Variants in TOR1AIP1 observed in about 807,000 individuals in gnomAD.
TOR1AIP1 encodes the protein torsin 1A interacting protein 1.
A neutral mutation model predicts 63.3 loss-of-function variants in TOR1AIP1; 54 were observed. The ratio of observed to expected loss-of-function variants is 0.85; its 90% CI spans 0.69 to 1.07. TOR1AIP1 has a LOEUF of 1.07. Among genes scored for constraint, TOR1AIP1 ranks in the 50% least tolerant of loss-of-function variants. The probability of loss-of-function intolerance (pLI) is 0.00; values close to 1 mark genes in which losing one functional copy is unlikely to be tolerated. For missense variants in TOR1AIP1, 736 were observed against 715.0 expected, an observed-to-expected ratio of 1.03 and a Z score of -0.33; for synonymous variants, 294 against 273.5, an observed-to-expected ratio of 1.07 and a Z score of -0.74.
rs1289787621 is a variant in TOR1AIP1, at chr1:179,901,408, A to G, written c.739+20A>G. On this transcript the variant is annotated intron_variant, in intron 5 of 9. Transcript: ENST00000606911. ...CTGGAGGTAATATTGCTTTATATACATATGACTCTTCTCATAGAACTATCT... is the reference window on the plus strand; with the variant it reads ...CTGGAGGTAATATTGCTTTATATACGTATGACTCTTCTCATAGAACTATCT... 2 of 1,467,750 alleles carry G rather than the reference A, an allele frequency of 1.4e-6. No homozygotes were observed. The highest frequency in any genetic ancestry group is 2.0e-5 in the Admixed American group (1 of 50,656). The allele number at this position is 1,467,750 out of a possible 1,614,324, so 90.9% of individuals were successfully genotyped here.
At chr1:179,894,634 C>T (rs1181649518) in intron 3 of TOR1AIP1, among the ~76,000 whole-genome samples, 11 of 151,864 alleles carry the variant, frequency 7.2e-5, no homozygotes, top group Admixed American at 2.6e-4. Context: ...TGTAGTGAGC[C>T]GAGATCGTGC....
chr1:179,908,700 A>G (rs529019614), intron 8 of TOR1AIP1, 27 bp downstream of exon 8: 1 of 1,581,484 alleles, frequency 6.3e-7, no homozygotes, highest in East Asian at 2.2e-5. Context: ...CTGTTATTGA[A>G]ATAATCTTGT....
At chr1:179,890,791 T>C (rs1470793784) in intron 3 of TOR1AIP1, among the ~76,000 whole-genome samples, 1 of 152,142 alleles carries the variant, frequency 6.6e-6, no homozygotes, top group East Asian at 1.9e-4. Context: ...GGCTGATTCC[T>C]GTGTTTTTTA....
At chr1:179,899,702 T>TGGCGCGA (rs1051316921) in intron 3 of TOR1AIP1, among the ~76,000 whole-genome samples, 9 of 152,320 alleles carry the variant, frequency 5.9e-5, no homozygotes, top group African/African-American at 2.2e-4. Flanking sequence ...TGGTATACAG[T>TGGCGCGA]GGCGCGATCT....
chr1:179,910,461 C>G lies in TOR1AIP1; in HGVS notation c.907+1788C>G, dbSNP rs181594857. Among the ~76,000 whole-genome samples, 89 of 152,290 alleles carry G rather than the reference C, an allele frequency of 5.8e-4. No homozygotes were observed. In the South Asian group the frequency reaches 9.5e-3, roughly 16 times the overall value. ...TCTCAGCAGTGACGTTTTTAGCCCACATGTAAGTGAGTTCTTAAGCAGTCT... is the reference window on the plus strand; with the variant it reads ...TCTCAGCAGTGACGTTTTTAGCCCAGATGTAAGTGAGTTCTTAAGCAGTCT... On this transcript the variant is annotated intron_variant, in intron 8 of 9. Transcript: ENST00000606911.
chr1:179,907,770 T>C (rs1413934415), intron 6 of TOR1AIP1, 53 bp from the exon 7 acceptor site: 1 of 1,439,168 alleles, frequency 6.9e-7, no homozygotes. Context: ...GCAACATCTT[T>C]TTTGTTGTTA....
chr1:179,917,096 T>C (rs1054109921), intron 9 of TOR1AIP1, among the ~76,000 whole-genome samples: 1 of 152,216 alleles, frequency 6.6e-6, no homozygotes, highest in African/African-American at 2.4e-5. Flanking sequence ...AAATTGTATT[T>C]TAATAGTCTA....
chr1:179,902,769 T>C (rs1472296910), intron 5 of TOR1AIP1, among the ~76,000 whole-genome samples: 5 of 151,980 alleles, frequency 3.3e-5, no homozygotes, highest in African/African-American at 1.2e-4. Context: ...GTTGTGGGGG[T>C]TAAATTAATT....
chr1:179,884,645 C>T, intron 1 of TOR1AIP1, 47 bp from the exon 2 acceptor site: 1 of 1,457,974 alleles, frequency 6.9e-7, no homozygotes, highest in Non-Finnish European at 9.4e-7. Flanking sequence ...CATGATCTCC[C>T]AGGTCATATA....
intron 9 of TOR1AIP1, among the ~76,000 whole-genome samples, chr1:179,914,967 A>G (rs1395306310): frequency 6.6e-6 from 1 of 152,196 alleles, no homozygotes; most frequent in African/African-American, 2.4e-5. Context: ...TAAAATATGT[A>G]TTAATTTATT....
In TOR1AIP1 at chr1:179,907,897, C is replaced by T. The variant is rs1044974079; in HGVS notation, c.838+33C>T. ...GTTGGTTGTCTGCTCTTTTTTCAGCCAATCAATTCTTTTCTCTTTTTTTTT... is the reference window on the plus strand; with the variant it reads ...GTTGGTTGTCTGCTCTTTTTTCAGCTAATCAATTCTTTTCTCTTTTTTTTT... On this transcript the variant is annotated intron_variant, in intron 7 of 9. Transcript: ENST00000606911. 12 of 1,209,866 alleles carry T rather than the reference C, an allele frequency of 9.9e-6. No homozygotes were observed. In the Admixed American group the frequency reaches 2.3e-4, roughly 24 times the overall value. The allele number at this position is 1,209,866 out of a possible 1,614,324, so 74.9% of individuals were successfully genotyped here.
In TOR1AIP1 at chr1:179,883,527, A is replaced by G. The variant is rs955989956; in HGVS notation, c.475+550A>G. 20 of 435,924 alleles carry G rather than the reference A, an allele frequency of 4.6e-5. 1 individual carries two copies. Among genetic ancestry groups the G allele is most frequent in the African/African-American group, 1.0e-4 (5 of 49,440 alleles). The allele number at this position is 435,924 out of a possible 1,614,324, so 27.0% of individuals were successfully genotyped here. A position where few individuals can be genotyped will look rare whatever the true frequency, so the allele number is the denominator to read the frequency against. ...GTGAATTGATTTGAGACCTCACCCAATACTTTCACCGAAATGGGGTAACTC... is the reference window on the plus strand; with the variant it reads ...GTGAATTGATTTGAGACCTCACCCAGTACTTTCACCGAAATGGGGTAACTC... On this transcript the variant is annotated intron_variant, in intron 1 of 9. Transcript: ENST00000606911.
chr1:179,915,945 C>T (rs1648977882), intron 9 of TOR1AIP1, among the ~76,000 whole-genome samples: 2 of 152,154 alleles, frequency 1.3e-5, no homozygotes, highest in South Asian at 4.1e-4. Flanking sequence ...TGCTAATTCG[C>T]CTTGTAATTC....
At chr1:179,908,182 A>G (rs1648713388) in intron 7 of TOR1AIP1, among the ~76,000 whole-genome samples, 1 of 152,130 alleles carries the variant, frequency 6.6e-6, no homozygotes, top group Non-Finnish European at 1.5e-5. Flanking sequence ...TGCTGGAATT[A>G]CAGGTGTGAG....
chr1:179,884,633 G>T, intron 1 of TOR1AIP1, 59 bp from the exon 2 acceptor site: 2 of 1,388,900 alleles, frequency 1.4e-6, no homozygotes, highest in Non-Finnish European at 2.0e-6. Context: ...CATAATCTGT[G>T]CCATGATCTC....
At chr1:179,912,334 A>G (rs1475230323) in intron 8 of TOR1AIP1, among the ~76,000 whole-genome samples, 1 of 152,146 alleles carries the variant, frequency 6.6e-6, no homozygotes, top group Non-Finnish European at 1.5e-5. Flanking sequence ...TTTTTCTTTT[A>G]AAAAGATGTT....
chr1:179,900,668 A>AG (rs1243325221), intron 4 of TOR1AIP1: 1 of 152,298 alleles, frequency 6.6e-6, no homozygotes, highest in Non-Finnish European at 1.5e-5. Flanking sequence ...CAGAAATAAT[A>AG]GGACAGATAG....
chr1:179,884,513 T>G (rs926221794), intron 1 of TOR1AIP1, among the ~76,000 whole-genome samples, 179 bp from the exon 2 acceptor site: 1 of 134,206 alleles, frequency 7.5e-6, no homozygotes. Flanking sequence ...TTGTATTCTG[T>G]CTCAAGAGGA....
intron 9 of TOR1AIP1, among the ~76,000 whole-genome samples, chr1:179,916,599 G>T (rs1648993719): frequency 6.6e-6 from 1 of 151,612 alleles, no homozygotes; most frequent in Non-Finnish European, 1.5e-5. Context: ...AATTTTACCA[G>T]TGTTAACTTG....
Sources: gnomAD v4.1 joint callset for allele counts (sites outside exome capture counted in the v4.1 genomes callset) on GRCh38, gnomAD v4.1.1 for gene constraint, MANE v1.5 for transcripts, NCBI Gene and HGNC (gene_info 2026-07-23, HGNC 2026-07-21) for gene names.